Variants in JAM3 observed in about 807,000 individuals in gnomAD.
JAM3 encodes junctional adhesion molecule 3.
In JAM3, 31 loss-of-function variants were observed where a neutral mutation model predicts 39.4. That is an observed-to-expected ratio of 0.79 (90% CI 0.59 to 1.06). The LOEUF is 1.06. Ranked by LOEUF, JAM3 falls within the 50% of genes least tolerant of loss-of-function variation. JAM3 has a pLI of 0.00. For missense variants in JAM3, 455 were observed against 391.4 expected (o/e 1.16, Z -1.37); for synonymous variants, 182 against 148.7 (o/e 1.22, Z -1.63).
intron 1 of JAM3, among the ~76,000 whole-genome samples, chr11:134,084,466 G>A (rs1941715605): frequency 6.6e-6 from 1 of 152,146 alleles, no homozygotes; most frequent in Non-Finnish European, 1.5e-5. Flanking sequence ...TCCTATCAAA[G>A]CATCTAAAAG....
At chr11:134,136,256 G>A (rs964182886) in intron 1 of JAM3, among the ~76,000 whole-genome samples, 3 of 152,160 alleles carry the variant, frequency 2.0e-5, no homozygotes, top group Admixed American at 2.0e-4. Flanking sequence ...GAGTATTCCT[G>A]TAGCACTGGA....
intron 8 of JAM3, 116 bp downstream of exon 8, chr11:134,148,934 G>A: frequency 9.4e-7 from 1 of 1,059,756 alleles, no homozygotes; most frequent in South Asian, 1.3e-5. Flanking sequence ...CAGCTCCTGA[G>A]CTCCTCAGCC....
At chr11:134,111,475 A>G (rs1166976819) in intron 1 of JAM3, among the ~76,000 whole-genome samples, 2 of 152,180 alleles carry the variant, frequency 1.3e-5, no homozygotes, top group Admixed American at 6.5e-5. Flanking sequence ...ATGCACAATC[A>G]TAAGGGAAAA....
intron 1 of JAM3, among the ~76,000 whole-genome samples, chr11:134,102,069 C>A (rs1317130047): frequency 6.6e-6 from 1 of 152,018 alleles, no homozygotes; most frequent in Admixed American, 6.6e-5. Flanking sequence ...ATTATAGTAA[C>A]CTATTTAATT....
intron 1 of JAM3, among the ~76,000 whole-genome samples, chr11:134,137,676 G>A (rs79059897): frequency 1.1e-3 from 143 of 124,656 alleles, no homozygotes; most frequent in East Asian, 4.2e-3. Flanking sequence ...CGTCTAAGTC[G>A]TGGTGCTCAT....
At chr11:134,091,409 C>T (rs2120637944) in intron 1 of JAM3, among the ~76,000 whole-genome samples, 1 of 152,198 alleles carries the variant, frequency 6.6e-6, no homozygotes, top group African/African-American at 2.4e-5. Flanking sequence ...GCAGGAGAAT[C>T]GCTTCCCAGA....
intron 1 of JAM3, among the ~76,000 whole-genome samples, chr11:134,129,776 C>A (rs1339744575): frequency 6.6e-6 from 1 of 152,168 alleles, no homozygotes; most frequent in Non-Finnish European, 1.5e-5. Context: ...CCGAGGTGGG[C>A]AGATTGCTTG....
At chr11:134,080,088 A>G (rs564981436) in intron 1 of JAM3, among the ~76,000 whole-genome samples, 5 of 152,244 alleles carry the variant, frequency 3.3e-5, no homozygotes, top group African/African-American at 9.6e-5. Context: ...TGAATAACCA[A>G]TTGGTTGGGT....
chr11:134,073,214 C>T (rs918036356), intron 1 of JAM3, among the ~76,000 whole-genome samples: 2 of 152,144 alleles, frequency 1.3e-5, no homozygotes, highest in African/African-American at 4.8e-5. Flanking sequence ...TTTCTGATGT[C>T]CCAGGAATGC....
chr11:134,080,684 A>C (rs563636540), intron 1 of JAM3, among the ~76,000 whole-genome samples: 12 of 152,320 alleles, frequency 7.9e-5, no homozygotes, highest in African/African-American at 2.9e-4. Context: ...TAAATTGCCC[A>C]GTCTCGGGTA....
At chr11:134,103,063 G>A (rs1282237302) in intron 1 of JAM3, among the ~76,000 whole-genome samples, 1 of 152,162 alleles carries the variant, frequency 6.6e-6, no homozygotes, top group African/African-American at 2.4e-5. Context: ...ATAATTGCCA[G>A]ATTCACCAAA....
chr11:134,146,749 G>C (rs1232171764), intron 6 of JAM3, among the ~76,000 whole-genome samples: 2 of 152,018 alleles, frequency 1.3e-5, no homozygotes, highest in East Asian at 3.9e-4. Context: ...ATTTTTTGTA[G>C]ATACGGGGTC....
intron 5 of JAM3, 91 bp from the exon 6 acceptor site, chr11:134,145,855 G>T: frequency 1.2e-6 from 1 of 834,032 alleles, no homozygotes; most frequent in East Asian, 2.4e-5. Context: ...AAGCGAGCAG[G>T]TGTCGACCTA....
intron 1 of JAM3, among the ~76,000 whole-genome samples, chr11:134,088,564 C>G (rs1448975945): frequency 6.6e-6 from 1 of 152,058 alleles, no homozygotes; most frequent in Admixed American, 6.6e-5. Context: ...AGTTGTACAA[C>G]CAATTCTAAT....
At chr11:134,087,046 C>G (rs1440910462) in intron 1 of JAM3, among the ~76,000 whole-genome samples, 5 of 152,050 alleles carry the variant, frequency 3.3e-5, no homozygotes, top group African/African-American at 1.2e-4. Flanking sequence ...CTCAAGCGAT[C>G]CTCCTCCCTC....
chr11:134,093,137 C>T (rs1565485796), intron 1 of JAM3, among the ~76,000 whole-genome samples: 1 of 131,668 alleles, frequency 7.6e-6, no homozygotes, highest in Admixed American at 7.4e-5. Context: ...CCTCTTTATT[C>T]ATCATGTTCT....
chr11:134,082,466 G>C (rs562172502), intron 1 of JAM3, among the ~76,000 whole-genome samples: 1 of 151,686 alleles, frequency 6.6e-6, no homozygotes, highest in Non-Finnish European at 1.5e-5. Context: ...CTTGTAATGT[G>C]GGGGGGAACC....
intron 1 of JAM3, among the ~76,000 whole-genome samples, chr11:134,128,862 T>G (rs1347969968): frequency 1.3e-5 from 2 of 152,236 alleles, no homozygotes; most frequent in African/African-American, 4.8e-5. Flanking sequence ...TTTTTGTATC[T>G]TTCTCTTGCT....
intron 1 of JAM3, among the ~76,000 whole-genome samples, chr11:134,104,771 C>T (rs1157712184): frequency 6.6e-6 from 1 of 152,082 alleles, no homozygotes; most frequent in Admixed American, 6.5e-5. Flanking sequence ...TGGATAAATT[C>T]CTGGACACAT....
Sources: allele counts gnomAD v4.1 joint callset (sites outside exome capture counted in the v4.1 genomes callset), GRCh38; gene constraint gnomAD v4.1.1; transcripts MANE v1.5; gene names NCBI Gene and HGNC (gene_info 2026-07-23, HGNC 2026-07-21).